MRO: variants seen among roughly 807,000 people sequenced by gnomAD.
The protein encoded by MRO is protein maestro.
A neutral mutation model predicts 31.0 loss-of-function variants in MRO; 28 were observed. That is an observed-to-expected ratio of 0.90 (90% CI 0.67 to 1.24). MRO has a LOEUF of 1.24. Among genes scored for constraint, MRO ranks in the 50% most tolerant of loss-of-function variants. MRO has a pLI of 0.00. For missense variants in MRO, 332 were observed against 289.2 expected (o/e 1.15, Z -1.07); for synonymous variants, 108 against 108.4 (o/e 1.00, Z 0.02).
chr18:50,800,698 A>G (rs532829723), intron 6 of MRO, among the ~76,000 whole-genome samples: 1 of 152,294 alleles, frequency 6.6e-6, no homozygotes. Context: ...CAGCCTGGCC[A>G]GCATGGTGAA....
intron 2 of MRO, chr18:50,815,314 T>A: frequency 3.7e-6 from 1 of 271,980 alleles, no homozygotes; most frequent in South Asian, 4.8e-5. Context: ...TTGGAGGTGG[T>A]GGAGATAATT....
At chr18:50,816,964 C>A (rs1481288345) in intron 2 of MRO, among the ~76,000 whole-genome samples, 1 of 152,118 alleles carries the variant, frequency 6.6e-6, no homozygotes, top group South Asian at 2.1e-4. Context: ...ACTTCTCTTG[C>A]AAGATTAGCA....
At chr18:50,811,784 T>G (rs895265749) in intron 2 of MRO, among the ~76,000 whole-genome samples, 4 of 142,550 alleles carry the variant, frequency 2.8e-5, no homozygotes, top group African/African-American at 1.1e-4. Context: ...GACAGAGTCT[T>G]ACTCTGTCTC....
intron 3 of MRO, among the ~76,000 whole-genome samples, chr18:50,808,000 T>C (rs750631929): frequency 2.0e-4 from 30 of 152,126 alleles, no homozygotes; most frequent in Non-Finnish European, 3.5e-4. Flanking sequence ...GCAGGGAGAA[T>C]TGCTTGAATC....
At chr18:50,819,447 C>T (rs1915194706) in intron 2 of MRO, 134 bp downstream of exon 2, 8 of 1,440,812 alleles carry the variant, frequency 5.6e-6, no homozygotes, top group Non-Finnish European at 5.4e-6. Flanking sequence ...GAGAACATTA[C>T]CAAATCCTAC....
chr18:50,819,932 T>G lies in MRO; in HGVS notation c.-162A>C, dbSNP rs1272220425. 1.9e-6 allele frequency: 3 copies of G among 1,551,652 alleles called. No individual in the cohort carries two copies. The highest frequency in any genetic ancestry group is 2.7e-5 in the African/African-American group (2 of 73,056). ...CCACGCCATGCTGAGGTGTTTTTCCTTCTCCTTGCTGTGATTTCCCCTCCT... is the reference window on the plus strand; with the variant it reads ...CCACGCCATGCTGAGGTGTTTTTCCGTCTCCTTGCTGTGATTTCCCCTCCT... On this transcript the variant is annotated 5_prime_UTR_variant, in exon 1 of 8. Coordinates refer to ENST00000398439, the MANE Select transcript of MRO (RefSeq NM_031939.6).
At chr18:50,802,379 G>T (rs943825800) in intron 5 of MRO, among the ~76,000 whole-genome samples, 2 of 152,166 alleles carry the variant, frequency 1.3e-5, no homozygotes, top group African/African-American at 4.8e-5. Flanking sequence ...TGAGCTGTTT[G>T]GTCCAAGTAT....
intron 2 of MRO, among the ~76,000 whole-genome samples, chr18:50,810,046 G>A (rs2144635591): frequency 6.6e-6 from 1 of 152,268 alleles, no homozygotes; most frequent in South Asian, 2.1e-4. Context: ...GCTCATTGCA[G>A]CTTCTACCTC....
In MRO at chr18:50,805,182, G is replaced by A. The variant is rs17852711; in HGVS notation, c.401C>T (p.Thr134Ile). 5 of 1,613,354 alleles carry A rather than the reference G, an allele frequency of 3.1e-6. No individual in the cohort carries two copies. The East Asian group carries it at 8.9e-5, about 29-fold the overall frequency. The change falls in exon 5 of 8, where the codon ACC (threonine) becomes ATC (isoleucine). Residue 134 changes from threonine to isoleucine, a missense_variant. Thr to Ile is a moderately conservative substitution (Grantham distance 89). Transcript: ENST00000398439. ...ATCTAATAAAGTCCTGGTCTGAAGG[G>A]TGATATCTATGAAGAAGGAACCCAA... ...KGLGSFFIDITLQTRTLLDDE... is the reference protein window; with the variant it reads ...KGLGSFFIDIILQTRTLLDDE...
chr18:50,819,896 C>T lies in MRO; in HGVS notation c.-127+1G>A, dbSNP rs1915233621. The stretch of plus-strand genomic sequence containing the variant: ...AGGGTGGCACAAGCATGACTTGCTA[C>T]CTTTGCTTCCCCACGCCATGCTGAG... On this transcript the variant is annotated splice_donor_variant, in intron 1 of 7. Coordinates refer to ENST00000398439, the MANE Select transcript of MRO (RefSeq NM_031939.6). LOFTEE classifies it low-confidence loss of function (5UTR_SPLICE). 8 of 1,551,304 alleles carry T rather than the reference C, an allele frequency of 5.2e-6. No individual in the cohort carries two copies. The highest frequency in any genetic ancestry group is 1.4e-5 in the African/African-American group (1 of 72,998).
chr18:50,805,079 C>CTATG, intron 5 of MRO, 75 bp downstream of exon 5: 5 of 1,315,678 alleles, frequency 3.8e-6, no homozygotes, highest in Non-Finnish European at 4.3e-6. Context: ...GCATGAGCCA[C>CTATG]CGCACCCGGC....
At chr18:50,817,940 G>A (rs1048678070) in intron 2 of MRO, among the ~76,000 whole-genome samples, 2 of 151,932 alleles carry the variant, frequency 1.3e-5, no homozygotes, top group Non-Finnish European at 2.9e-5. Context: ...AGGTCACAAG[G>A]CCCCTCGCTG....
chr18:50,823,814 A>C (rs1416982552), upstream of MRO: 1 of 205,304 alleles, frequency 4.9e-6, no homozygotes, highest in Non-Finnish European at 1.0e-5. Context: ...GGCTGGACAC[A>C]GGATTGGTGG....
At chr18:50,811,337 C>T (rs1036780495) in intron 2 of MRO, among the ~76,000 whole-genome samples, 4 of 152,220 alleles carry the variant, frequency 2.6e-5, no homozygotes, top group Non-Finnish European at 5.9e-5. Context: ...AAGCCCTGCA[C>T]CCATTAGGCA....
intron 3 of MRO, among the ~76,000 whole-genome samples, chr18:50,807,425 T>C (rs1914051264): frequency 6.6e-6 from 1 of 152,250 alleles, no homozygotes; most frequent in Admixed American, 6.5e-5. Context: ...AGTAGTCATC[T>C]TACTCAACCT....
intron 5 of MRO, among the ~76,000 whole-genome samples, chr18:50,803,240 T>G (rs1287497709): frequency 6.6e-6 from 1 of 152,172 alleles, no homozygotes; most frequent in Admixed American, 6.5e-5. Context: ...GCCAGACACA[T>G]GTCTCATGCC....
chr18:50,815,841 C>T, intron 2 of MRO: 1 of 195,976 alleles, frequency 5.1e-6, no homozygotes, highest in Non-Finnish European at 1.1e-5. Flanking sequence ...CGAGACCAGT[C>T]TGGTCAACAT....
chr18:50,824,114 G>T (rs2144692181), upstream of MRO: 1 of 152,326 alleles, frequency 6.6e-6, no homozygotes, highest in Non-Finnish European at 1.5e-5. Flanking sequence ...ACATGGCCTA[G>T]GAATACATTC....
chr18:50,813,222 C>T (rs1470927395), intron 2 of MRO, among the ~76,000 whole-genome samples: 1 of 152,206 alleles, frequency 6.6e-6, no homozygotes, highest in African/African-American at 2.4e-5. Flanking sequence ...CACTCCCTCA[C>T]CGCCTAACTT....
Sources: allele counts gnomAD v4.1 joint callset (sites outside exome capture counted in the v4.1 genomes callset), GRCh38; gene constraint gnomAD v4.1.1; transcripts MANE v1.5; gene names NCBI Gene and HGNC (gene_info 2026-07-23, HGNC 2026-07-21).